The following LRRK1 variants were observed in gnomAD, a reference collection of about 807,000 sequenced individuals.
LRRK1 encodes leucine rich repeat kinase 1.
Under a neutral mutation model 209.1 loss-of-function variants are expected in LRRK1, and 113 were observed. The ratio of observed to expected loss-of-function variants is 0.54; its 90% confidence interval spans 0.46 to 0.63. The LOEUF (loss-of-function observed/expected upper bound fraction) is 0.63. LRRK1 is among the 30% of genes least tolerant of loss of function. The pLI is 0.00. For missense variants in LRRK1, 2,284 were observed against 2,632.2 expected, an observed-to-expected ratio of 0.87 and a Z score of 2.89; for synonymous variants, 1,144 against 1,099.7, an observed-to-expected ratio of 1.04 and a Z score of -0.80.
At chr15:101,048,417 C>T (rs2035208215) in intron 21 of LRRK1, 77 bp from the exon 22 acceptor site, 1 of 1,339,546 alleles carries the variant, frequency 7.5e-7, no homozygotes, top group Non-Finnish European at 1.0e-6. Context: ...GGGGCCCAGC[C>T]CGGCCTCTGC....
In LRRK1 at chr15:100,919,901, G is replaced by C. The variant is rs1468559276; in HGVS notation, c.-123+450G>C. The C allele has an allele frequency of 6.6e-6, 1 of 152,570 alleles. No homozygotes were observed. Among genetic ancestry groups the C allele is most frequent in the Non-Finnish European group, 1.5e-5 (1 of 68,334 alleles). 9.5% of individuals were successfully genotyped at this position (152,570 alleles called of 1,614,324 possible). A position where few individuals can be genotyped will look rare whatever the true frequency, so the allele number is the denominator to read the frequency against. On this transcript the variant is annotated intron_variant, in intron 1 of 33. Transcript: ENST00000388948. The surrounding 1 kb of genome is among the most constrained non-coding windows in gnomAD (Gnocchi z 5.8). Reference sequence around the variant, plus strand: ...GAGCGGGCGGAGTGTGAGCGCGCGGGTGAGCCCGTGCCGGGGTGTCGGCAA... The same window carrying C: ...GAGCGGGCGGAGTGTGAGCGCGCGGCTGAGCCCGTGCCGGGGTGTCGGCAA...
In LRRK1 at chr15:101,021,834, T is replaced by A. The variant is rs769281717; in HGVS notation, c.1740-11T>A. The A allele has an allele frequency of 3.9e-5, 61 of 1,582,554 alleles. No individual in the cohort carries two copies. The highest frequency in any genetic ancestry group is 4.9e-5 in the Non-Finnish European group (56 of 1,152,512). On this transcript the variant is annotated splice_polypyrimidine_tract_variant and intron_variant, in intron 13 of 33. Transcript: ENST00000388948. ...TGTGTATTCTCTCGTGGTGGACACA[T>A]CTGTCTTCAGCAACCCTGGCCTCCG... is the stretch of plus-strand genomic sequence containing the variant.
At position 100,973,900 on chromosome 15, in the gene LRRK1, G is replaced by A. The variant is rs1189245756; in HGVS notation, c.194G>A (p.Gly65Glu). The change falls in exon 3 of 34, where the codon GGA becomes GAA. Residue 65 changes from glycine to glutamate, a missense_variant. Gly to Glu is a moderately conservative substitution (Grantham distance 98). Around this residue, in one of 6 missense-constraint regions of LRRK1, gnomAD observed 174 missense variants for 133.5 expected, o/e 1.30. Coordinates refer to ENST00000388948, the MANE Select transcript of LRRK1 (RefSeq NM_024652.6). The stretch of plus-strand genomic sequence containing the variant: ...GGCATCCGCGCCGCGTACAGGCGGG[G>A]AGACCGCGGCGGCGCCCGGGACCTG... ...TEGIRAAYRR[G>E]DRGGARDLLE... 20 of 1,270,346 alleles carry A rather than the reference G, an allele frequency of 1.6e-5. No homozygotes were observed. Among genetic ancestry groups the A allele is most frequent in the Non-Finnish European group, 1.8e-5 (18 of 1,002,680 alleles). The allele number at this position is 1,270,346 out of a possible 1,614,324, so 78.7% of individuals were successfully genotyped here.
At chr15:100,920,703 G>A (rs1480169095) in intron 1 of LRRK1, among the ~76,000 whole-genome samples, 2 of 141,238 alleles carry the variant, frequency 1.4e-5, no homozygotes, top group Non-Finnish European at 3.0e-5. Context: ...CTTTACTGTA[G>A]GATTTCAGTT....
intron 28 of LRRK1, 103 bp downstream of exon 28, chr15:101,057,153 C>T: frequency 2.2e-6 from 2 of 921,380 alleles, no homozygotes; most frequent in Non-Finnish European, 3.2e-6. Flanking sequence ...TCACCATTGG[C>T]AACCCTTCTC....
At chr15:100,941,707 G>A (rs1179398300) in intron 2 of LRRK1, among the ~76,000 whole-genome samples, 1 of 152,194 alleles carries the variant, frequency 6.6e-6, no homozygotes, top group East Asian at 1.9e-4. Flanking sequence ...GGAGGGCCAG[G>A]GGACTGTAGC....
chr15:100,952,552 C>T (rs2042675444), intron 2 of LRRK1, among the ~76,000 whole-genome samples: 1 of 152,180 alleles, frequency 6.6e-6, no homozygotes, highest in Admixed American at 6.5e-5. Flanking sequence ...ATATATTTTT[C>T]CATGTGGCTA....
intron 2 of LRRK1, among the ~76,000 whole-genome samples, chr15:100,956,400 A>T (rs1471824454): frequency 1.9e-5 from 1 of 52,608 alleles, no homozygotes; most frequent in African/African-American, 7.4e-5. Context: ...CTAGCTAACG[A>T]TTTGTCAATT....
intron 2 of LRRK1, among the ~76,000 whole-genome samples, chr15:100,952,308 T>C (rs982192975): frequency 6.6e-6 from 1 of 152,226 alleles, no homozygotes; most frequent in African/African-American, 2.4e-5. Flanking sequence ...ATGGTGAATT[T>C]TATGATACGT....
intron 2 of LRRK1, among the ~76,000 whole-genome samples, chr15:100,925,300 A>G (rs1345335693): frequency 6.6e-6 from 1 of 152,222 alleles, no homozygotes; most frequent in Admixed American, 6.5e-5. Flanking sequence ...GTGAAACATC[A>G]TTTCATTTAT....
intron 29 of LRRK1, among the ~76,000 whole-genome samples, chr15:101,058,632 A>C (rs1407899746): frequency 2.4e-5 from 2 of 83,182 alleles, no homozygotes; most frequent in East Asian, 3.3e-4. Flanking sequence ...GGGGGCGTCT[A>C]AACAGAGTTG....
chr15:101,005,862 G>T (rs1281079425), intron 6 of LRRK1, among the ~76,000 whole-genome samples: 1 of 152,216 alleles, frequency 6.6e-6, no homozygotes, highest in South Asian at 2.1e-4. Flanking sequence ...AGGAGGCAAT[G>T]CTTTTCTATA....
At chr15:101,043,481 G>A (rs1204500409) in intron 20 of LRRK1, among the ~76,000 whole-genome samples, 13 of 152,082 alleles carry the variant, frequency 8.5e-5, no homozygotes, top group East Asian at 7.7e-4. Flanking sequence ...CAACATTGCC[G>A]GATCTGACAA....
intron 10 of LRRK1, among the ~76,000 whole-genome samples, 167 bp downstream of exon 10, chr15:101,012,312 A>C (rs2033292022): frequency 6.6e-6 from 1 of 152,180 alleles, no homozygotes; most frequent in Admixed American, 6.5e-5. Context: ...AACAGCGATG[A>C]GGGTGGCACG....
At chr15:101,020,830 A>C (rs555759803) in intron 12 of LRRK1, among the ~76,000 whole-genome samples, 1 of 152,160 alleles carries the variant, frequency 6.6e-6, no homozygotes, top group Non-Finnish European at 1.5e-5. Flanking sequence ...ATTGTCCTCT[A>C]TCTCTGCCAC....
intron 2 of LRRK1, among the ~76,000 whole-genome samples, chr15:100,953,929 T>C (rs1367671151): frequency 6.6e-6 from 1 of 152,114 alleles, no homozygotes; most frequent in Non-Finnish European, 1.5e-5. Flanking sequence ...TTGTTGTTGT[T>C]GTTTGAGACA....
intron 4 of LRRK1, among the ~76,000 whole-genome samples, chr15:100,984,214 A>C (rs1596235879): frequency 7.0e-6 from 1 of 143,282 alleles, no homozygotes; most frequent in Non-Finnish European, 1.5e-5. Flanking sequence ...AAGCTCAGAG[A>C]GGTGACCCTC....
At chr15:100,959,010 G>A (rs1027437447) in intron 2 of LRRK1, among the ~76,000 whole-genome samples, 10 of 152,178 alleles carry the variant, frequency 6.6e-5, no homozygotes, top group Admixed American at 5.9e-4. Flanking sequence ...ATTTTGACCT[G>A]ATATGAACCC....
intron 2 of LRRK1, among the ~76,000 whole-genome samples, chr15:100,941,300 CTATGTGTGTGTG>C (rs2042404239): frequency 2.1e-5 from 1 of 48,000 alleles, no homozygotes; most frequent in African/African-American, 1.9e-4. Flanking sequence ...CTGTGTGTGT[CTATGTGTGTGTG>C]TCTGTGTGTG....
Sources: gnomAD v4.1 joint callset for allele counts (sites outside exome capture counted in the v4.1 genomes callset) on GRCh38, gnomAD v4.1.1 for gene constraint, gnomAD v4.1.1 regional missense constraint, Gnocchi (gnomAD v3.1) non-coding constraint, MANE v1.5 for transcripts, NCBI Gene and HGNC (gene_info 2026-07-23, HGNC 2026-07-21) for gene names.